Variants in PIBF1 observed in about 807,000 individuals in gnomAD.
PIBF1 encodes the protein progesterone-induced-blocking factor 1.
PIBF1 carries 90 observed loss-of-function variants against 112.5 expected under a neutral mutation model. The observed-to-expected ratio is 0.80, with a 90% confidence interval of 0.67 to 0.95. The LOEUF (loss-of-function observed/expected upper bound fraction) is 0.95. Among genes scored for constraint, PIBF1 ranks in the 40% least tolerant of loss-of-function variants. The pLI is 0.00. For synonymous variants in PIBF1, 301 were observed against 288.6 expected (o/e 1.04, Z -0.44); for missense variants, 915 against 852.3 (o/e 1.07, Z -0.92).
At chr13:72,928,026 C>CATATATATATATATATATATACAT (rs67144729) in intron 13 of PIBF1, among the ~76,000 whole-genome samples, 1 of 118,632 alleles carries the variant, frequency 8.4e-6, no homozygotes, top group African/African-American at 3.6e-5. Flanking sequence ...CATATATATA[C>CATATATATATATATATATATACAT]ATATATATAT....
intron 16 of PIBF1, among the ~76,000 whole-genome samples, chr13:72,997,894 T>C (rs1365353263): frequency 6.6e-6 from 1 of 152,180 alleles, no homozygotes; most frequent in Admixed American, 6.6e-5. Context: ...TAGTGTTATG[T>C]ACTAAAGATT....
intron 16 of PIBF1, among the ~76,000 whole-genome samples, chr13:72,992,540 T>C (rs2043513284): frequency 6.6e-6 from 1 of 152,166 alleles, no homozygotes; most frequent in Non-Finnish European, 1.5e-5. Flanking sequence ...TTAAGATGAA[T>C]AGCCCCACTT....
chr13:72,891,746 C>T (rs2138558087), intron 10 of PIBF1, among the ~76,000 whole-genome samples: 1 of 152,158 alleles, frequency 6.6e-6, no homozygotes. Flanking sequence ...TACACAAAAA[C>T]TTGTACATAA....
chr13:72,957,712 A>G (rs1481229566), intron 14 of PIBF1, among the ~76,000 whole-genome samples: 1 of 152,070 alleles, frequency 6.6e-6, no homozygotes, highest in African/African-American at 2.4e-5. Flanking sequence ...GGAGGCCAGG[A>G]TGGATCACTG....
At chr13:72,996,165 A>G (rs989715819) in intron 16 of PIBF1, among the ~76,000 whole-genome samples, 1 of 146,948 alleles carries the variant, frequency 6.8e-6, no homozygotes, top group African/African-American at 2.5e-5. Flanking sequence ...ACAAAGGGCT[A>G]ATTTCCCTAA....
At chr13:72,925,819 G>A (rs1000589871) in intron 13 of PIBF1, among the ~76,000 whole-genome samples, 4 of 152,028 alleles carry the variant, frequency 2.6e-5, no homozygotes, top group African/African-American at 9.7e-5. Flanking sequence ...TGGGATTATA[G>A]GCATGAGCCA....
At chr13:72,984,974 T>C (rs189297458) in intron 16 of PIBF1, among the ~76,000 whole-genome samples, 3 of 152,270 alleles carry the variant, frequency 2.0e-5, no homozygotes, top group Admixed American at 1.3e-4. Flanking sequence ...AAGAATGAAA[T>C]GTGTATTTTC....
chr13:72,953,890 C>G (rs954791503), intron 14 of PIBF1, among the ~76,000 whole-genome samples: 5 of 152,030 alleles, frequency 3.3e-5, no homozygotes, highest in Admixed American at 6.6e-5. Flanking sequence ...AGGCAATGGG[C>G]GGGGCTATGG....
At chr13:72,908,761 C>T in intron 12 of PIBF1, 80 bp downstream of exon 12, 1 of 1,349,248 alleles carries the variant, frequency 7.4e-7, no homozygotes, top group Non-Finnish European at 1.0e-6. Flanking sequence ...TCTAAAACTA[C>T]TTTGGGATCA....
intron 11 of PIBF1, among the ~76,000 whole-genome samples, chr13:72,907,448 C>CTAT (rs2040740336): frequency 1.3e-5 from 2 of 152,140 alleles, no homozygotes; most frequent in Admixed American, 1.3e-4. Flanking sequence ...TTTGCATGAA[C>CTAT]TATTTCATGC....
At chr13:72,871,542 G>A (rs1003008592) in intron 10 of PIBF1, among the ~76,000 whole-genome samples, 3 of 152,120 alleles carry the variant, frequency 2.0e-5, no homozygotes, top group Non-Finnish European at 4.4e-5. Flanking sequence ...CTGACCTTGT[G>A]ATCCACCTGC....
chr13:72,965,493 C>A, intron 15 of PIBF1, 89 bp downstream of exon 15: 1 of 1,049,646 alleles, frequency 9.5e-7, no homozygotes, highest in African/African-American at 1.6e-5. Flanking sequence ...AAATCATGAA[C>A]AGAAAATTTA....
chr13:73,009,897 G>A (rs1176806462), intron 17 of PIBF1, among the ~76,000 whole-genome samples: 1 of 152,208 alleles, frequency 6.6e-6, no homozygotes, highest in Non-Finnish European at 1.5e-5. Context: ...AGAAAGAACT[G>A]TCTGCCATTG....
chr13:73,005,158 A>T (rs2043993090), intron 17 of PIBF1, among the ~76,000 whole-genome samples: 1 of 152,164 alleles, frequency 6.6e-6, no homozygotes, highest in African/African-American at 2.4e-5. Context: ...CTGGGCAACA[A>T]GAGTGAAACT....
chr13:72,920,179 T>A (rs1228294072), intron 13 of PIBF1, among the ~76,000 whole-genome samples: 1 of 152,222 alleles, frequency 6.6e-6, no homozygotes, highest in Admixed American at 6.5e-5. Flanking sequence ...GAAATAATGT[T>A]AACTGTCCAA....
At chr13:72,851,612 G>A (rs1017908784) in intron 9 of PIBF1, among the ~76,000 whole-genome samples, 2 of 152,246 alleles carry the variant, frequency 1.3e-5, no homozygotes, top group African/African-American at 2.4e-5. Flanking sequence ...GCTTCTGGGC[G>A]GAAAGGGGTG....
chr13:72,859,070 C>T (rs763661352), intron 10 of PIBF1, among the ~76,000 whole-genome samples: 8 of 151,910 alleles, frequency 5.3e-5, no homozygotes, highest in African/African-American at 1.5e-4. Flanking sequence ...CATTGTCAGA[C>T]GTGATGTTTC....
At chr13:72,839,422 TTTC>T (rs1337216275) in intron 9 of PIBF1, among the ~76,000 whole-genome samples, 1 of 152,200 alleles carries the variant, frequency 6.6e-6, no homozygotes, top group African/African-American at 2.4e-5. Flanking sequence ...AATTTAGTTG[TTTC>T]ACTTGAAGTG....
intron 10 of PIBF1, among the ~76,000 whole-genome samples, chr13:72,858,033 G>T (rs905672150): frequency 1.3e-3 from 180 of 139,358 alleles, no homozygotes; most frequent in Middle Eastern, 7.5e-3. Flanking sequence ...TTGTGTGTGT[G>T]TGTGTGTGTG....
Sources: allele counts gnomAD v4.1 joint callset (sites outside exome capture counted in the v4.1 genomes callset), GRCh38; gene constraint gnomAD v4.1.1; transcripts MANE v1.5; gene names NCBI Gene and HGNC (gene_info 2026-07-23, HGNC 2026-07-21).